The following NRXN1 variants were observed in gnomAD, a reference collection of about 807,000 sequenced individuals.
NRXN1 encodes the protein neurexin-1.
Under a neutral mutation model 150.9 loss-of-function variants are expected in NRXN1, and 39 were observed. That is an observed-to-expected ratio of 0.26 (90% CI 0.20 to 0.34). NRXN1 has a LOEUF of 0.34. Among genes scored for constraint, NRXN1 ranks in the 10% least tolerant of loss-of-function variants. The pLI is 1.00. For missense variants in NRXN1, 1,815 were observed against 1,949.9 expected (o/e 0.93, Z 1.30); for synonymous variants, 924 against 757.0 (o/e 1.22, Z -3.62).
chr2:50,135,394 G>A (rs1706231753), intron 18 of NRXN1, among the ~76,000 whole-genome samples: 1 of 152,138 alleles, frequency 6.6e-6, no homozygotes, highest in Non-Finnish European at 1.5e-5. Context: ...CTTACAAACT[G>A]TAGAGTAAAA....
chr2:50,235,154 T>C (rs1258752535), intron 18 of NRXN1, among the ~76,000 whole-genome samples: 1 of 152,080 alleles, frequency 6.6e-6, no homozygotes, highest in African/African-American at 2.4e-5. Flanking sequence ...TTTTCATTTT[T>C]ATTTATTTAT....
chr2:50,788,810 T>C (rs1012776803), intron 5 of NRXN1, among the ~76,000 whole-genome samples: 9 of 151,618 alleles, frequency 5.9e-5, no homozygotes, highest in East Asian at 3.9e-4. Context: ...GAGATTACAA[T>C]GTCAAAGGGT....
intron 5 of NRXN1, among the ~76,000 whole-genome samples, chr2:50,875,300 A>T (rs941871654): frequency 1.3e-5 from 2 of 151,880 alleles, no homozygotes; most frequent in African/African-American, 4.8e-5. Flanking sequence ...CATGTTGTAT[A>T]TCTTAAATAT....
intron 2 of NRXN1, among the ~76,000 whole-genome samples, chr2:51,012,041 T>C (rs184815473): frequency 1.5e-3 from 225 of 152,146 alleles, no homozygotes; most frequent in Admixed American, 4.0e-3. Flanking sequence ...ATTTATTGCA[T>C]TGTAATGAAA....
At chr2:50,166,498 T>A (rs945221143) in intron 18 of NRXN1, among the ~76,000 whole-genome samples, 5 of 152,048 alleles carry the variant, frequency 3.3e-5, no homozygotes, top group Admixed American at 3.3e-4. Context: ...AAGAGCCCAG[T>A]CAACTGGCTC....
intron 21 of NRXN1, among the ~76,000 whole-genome samples, chr2:50,045,888 T>C (rs1215614510): frequency 6.6e-6 from 1 of 152,154 alleles, no homozygotes; most frequent in African/African-American, 2.4e-5. Context: ...AAAAGAGATA[T>C]CGAGAATCAT....
chr2:50,849,408 G>T (rs890316712), intron 5 of NRXN1, among the ~76,000 whole-genome samples: 29 of 152,134 alleles, frequency 1.9e-4, no homozygotes, highest in Admixed American at 1.7e-3. Flanking sequence ...CATCCCTTTT[G>T]AAATAAAATC....
At chr2:50,654,942 A>G (rs1031394342) in intron 5 of NRXN1, among the ~76,000 whole-genome samples, 3 of 152,022 alleles carry the variant, frequency 2.0e-5, no homozygotes, top group Non-Finnish European at 4.4e-5. Context: ...CACACTCTCC[A>G]ACCAAGTGAA....
At chr2:50,386,940 A>C (rs1049609317) in intron 17 of NRXN1, among the ~76,000 whole-genome samples, 1 of 152,146 alleles carries the variant, frequency 6.6e-6, no homozygotes, top group Non-Finnish European at 1.5e-5. Context: ...ATGAGAGCTA[A>C]TACTATTTTC....
At chr2:50,765,044 G>T (rs777966992) in intron 5 of NRXN1, among the ~76,000 whole-genome samples, 2 of 151,928 alleles carry the variant, frequency 1.3e-5, no homozygotes, top group Non-Finnish European at 2.9e-5. Flanking sequence ...TCAATCTCAG[G>T]TTGAGATTTG....
intron 18 of NRXN1, among the ~76,000 whole-genome samples, chr2:50,098,298 A>C (rs535741014): frequency 1.3e-5 from 2 of 152,276 alleles, no homozygotes; most frequent in African/African-American, 4.8e-5. Context: ...CAAATTGGGA[A>C]GGTAAATCGT....
chr2:50,942,848 A>G (rs1046491664), intron 2 of NRXN1, among the ~76,000 whole-genome samples: 1 of 152,126 alleles, frequency 6.6e-6, no homozygotes, highest in Admixed American at 6.6e-5. Context: ...GACTGTTGGG[A>G]AGGCATGATT....
intron 12 of NRXN1, among the ~76,000 whole-genome samples, chr2:50,509,551 G>C (rs2092371822): frequency 1.3e-5 from 2 of 152,152 alleles, no homozygotes. Context: ...AGTGAGGAGA[G>C]TTTCCAGCTG....
At chr2:50,194,493 T>C (rs2061634733) in intron 18 of NRXN1, among the ~76,000 whole-genome samples, 1 of 152,122 alleles carries the variant, frequency 6.6e-6, no homozygotes, top group East Asian at 1.9e-4. Flanking sequence ...TCAAAAACTT[T>C]AAAGTTCTTT....
At chr2:49,978,412 C>T (rs1412314813) in intron 21 of NRXN1, among the ~76,000 whole-genome samples, 2 of 152,078 alleles carry the variant, frequency 1.3e-5, no homozygotes, top group African/African-American at 2.4e-5. Flanking sequence ...CGGGCTCTCA[C>T]GAAGTGTCTC....
chr2:50,452,926 T>C (rs568655618), intron 17 of NRXN1, among the ~76,000 whole-genome samples: 1 of 152,224 alleles, frequency 6.6e-6, no homozygotes, highest in Non-Finnish European at 1.5e-5. Flanking sequence ...TTGAATAGCA[T>C]GAATAATGAG....
In NRXN1 at chr2:50,217,624, T is replaced by C. The variant is rs79518446; in HGVS notation, c.3546+19165A>G. On this transcript the variant is annotated intron_variant, in intron 18 of 22. Transcript: ENST00000401669. ...ACAGACCGAATTATAACAGGGGACCTAAAGAAACAGTCCTAGGAAAGCGTG... is the reference window on the plus strand; with the variant it reads ...ACAGACCGAATTATAACAGGGGACCCAAAGAAACAGTCCTAGGAAAGCGTG... 4.1e-3 allele frequency among the ~76,000 whole-genome samples: 617 copies of C among 152,052 alleles called. 32 individuals are homozygous for C. The East Asian group carries it at 0.099, about 24-fold the overall frequency.
intron 5 of NRXN1, among the ~76,000 whole-genome samples, chr2:50,803,749 T>C (rs1667133012): frequency 6.6e-6 from 1 of 152,196 alleles, no homozygotes. Context: ...TAAGGGATAC[T>C]TACGTTCAAG....
At chr2:50,655,100 T>C (rs1056655938) in intron 5 of NRXN1, among the ~76,000 whole-genome samples, 3 of 151,856 alleles carry the variant, frequency 2.0e-5, no homozygotes, top group Non-Finnish European at 4.4e-5. Flanking sequence ...TGTGGCCAAT[T>C]TTAGAGATGC....
Sources: allele counts gnomAD v4.1 joint callset (sites outside exome capture counted in the v4.1 genomes callset), GRCh38; gene constraint gnomAD v4.1.1; transcripts MANE v1.5; gene names NCBI Gene and HGNC (gene_info 2026-07-23, HGNC 2026-07-21).